EVI5: variants seen among roughly 807,000 people sequenced by gnomAD.
EVI5 encodes ecotropic viral integration site 5, also known as ecotropic viral integration site 5 protein homolog.
Under a neutral mutation model 112.0 loss-of-function variants are expected in EVI5, and 73 were observed. That is an observed-to-expected ratio of 0.65 (90% CI 0.54 to 0.79). EVI5 has a LOEUF of 0.79. Ranked by LOEUF, EVI5 falls within the 30% of genes least tolerant of loss-of-function variation. The pLI is 0.00. For synonymous variants in EVI5, 305 were observed against 319.9 expected (o/e 0.95, Z 0.50); for missense variants, 900 against 968.8 (o/e 0.93, Z 0.94).
chr1:92,667,301 AT>A (rs1665097386), intron 10 of EVI5, among the ~76,000 whole-genome samples: 1 of 152,088 alleles, frequency 6.6e-6, no homozygotes, highest in Admixed American at 6.5e-5. Flanking sequence ...AAAAAAAAAA[AT>A]TGCCCATTTA....
intron 1 of EVI5, among the ~76,000 whole-genome samples, chr1:92,776,233 G>A (rs1168128455): frequency 6.6e-6 from 1 of 151,916 alleles, no homozygotes; most frequent in Admixed American, 6.6e-5. Flanking sequence ...AAGAAAAAGG[G>A]CATTTTAACA....
chr1:92,572,370 C>A (rs1276830557), intron 18 of EVI5, among the ~76,000 whole-genome samples: 2 of 152,082 alleles, frequency 1.3e-5, no homozygotes, highest in Admixed American at 1.3e-4. Context: ...GTTCACTGTA[C>A]AATTCTTTCA....
intron 1 of EVI5, among the ~76,000 whole-genome samples, chr1:92,759,868 C>A (rs1259350947): frequency 3.0e-5 from 4 of 133,188 alleles, no homozygotes; most frequent in African/African-American, 8.0e-5. Context: ...CTCCCCCCCA[C>A]ATACATTTTG....
At chr1:92,734,006 T>G (rs1410461131) in intron 2 of EVI5, among the ~76,000 whole-genome samples, 1 of 152,232 alleles carries the variant, frequency 6.6e-6, no homozygotes, top group Non-Finnish European at 1.5e-5. Flanking sequence ...ACAAGACACA[T>G]GTACCATATT....
intron 19 of EVI5, among the ~76,000 whole-genome samples, chr1:92,538,095 T>C (rs1315794645): frequency 6.6e-6 from 1 of 152,160 alleles, no homozygotes; most frequent in Non-Finnish European, 1.5e-5. Context: ...TACAGAGAAT[T>C]CTTAGTCTTT....
intron 19 of EVI5, among the ~76,000 whole-genome samples, chr1:92,519,419 T>G (rs945515202): frequency 6.6e-6 from 1 of 152,068 alleles, no homozygotes; most frequent in Admixed American, 6.6e-5. Flanking sequence ...TAAAAGGAGA[T>G]TTCGTGACAC....
chr1:92,616,323 G>A lies in EVI5; in HGVS notation c.1827+7853C>T, dbSNP rs1268679055. 6.6e-5 allele frequency among the ~76,000 whole-genome samples: 10 copies of A among 152,096 alleles called. No homozygotes were observed. The East Asian group carries it at 1.9e-3, about 29-fold the overall frequency. ...TTCTTAGTATGTCAGATCTAATGGT[G>A]GGAACCGCAGTTACTCAACTACAAA... On this transcript the variant is annotated intron_variant, in intron 16 of 19. Transcript: ENST00000684568.
At chr1:92,591,706 A>G (rs1673939731) in intron 18 of EVI5, among the ~76,000 whole-genome samples, 1 of 152,146 alleles carries the variant, frequency 6.6e-6, no homozygotes, top group African/African-American at 2.4e-5. Context: ...AGATCGAGAC[A>G]GAAAGTTAAC....
intron 2 of EVI5, among the ~76,000 whole-genome samples, chr1:92,710,763 G>T (rs201353144): frequency 2.0e-5 from 3 of 149,660 alleles, no homozygotes; most frequent in Non-Finnish European, 3.0e-5. Flanking sequence ...TGGGGGGGGG[G>T]TGCCAATATA....
intron 13 of EVI5, among the ~76,000 whole-genome samples, chr1:92,648,219 CAAA>C (rs1553225492): frequency 0.069 from 639 of 9,250 alleles, 6 homozygotes; most frequent in Middle Eastern, 0.23. Context: ...AAAAAAAAAA[CAAA>C]AACCAGCCGG....
chr1:92,748,332 C>A (rs1022201264), intron 1 of EVI5, among the ~76,000 whole-genome samples: 4 of 152,190 alleles, frequency 2.6e-5, no homozygotes, highest in African/African-American at 9.7e-5. Context: ...CCAGCCTCAA[C>A]CACCAGGCAC....
chr1:92,615,935 T>C (rs890148161), intron 16 of EVI5, among the ~76,000 whole-genome samples: 4 of 152,080 alleles, frequency 2.6e-5, no homozygotes, highest in African/African-American at 9.7e-5. Flanking sequence ...GGGATAATGG[T>C]GGAAGGAACA....
Position 92,736,558 on chromosome 1 carries a change from T to C in EVI5, c.-12A>G. 6.2e-7 allele frequency: 1 copy of C among 1,614,110 alleles called. No homozygotes were observed. The highest frequency in any genetic ancestry group is 8.5e-7 in the Non-Finnish European group (1 of 1,179,972). ...ACCTGACTGGCCATCTGACTGACTGTATGCGATACTGTGTTCTTCACCCAT... is the reference window on the plus strand; with the variant it reads ...ACCTGACTGGCCATCTGACTGACTGCATGCGATACTGTGTTCTTCACCCAT... On this transcript the variant is annotated 5_prime_UTR_variant, in exon 2 of 20. In the 5' UTR this introduces an upstream ATG that the reference lacks. Transcript: ENST00000684568.
At chr1:92,732,441 T>C (rs1456816035) in intron 2 of EVI5, 2 of 229,702 alleles carry the variant, frequency 8.7e-6, no homozygotes, top group Admixed American at 1.1e-4. Context: ...GCATTGAAAT[T>C]GAGGATATAT....
At chr1:92,701,374 T>G (rs532297399) in intron 5 of EVI5, among the ~76,000 whole-genome samples, 2 of 152,346 alleles carry the variant, frequency 1.3e-5, no homozygotes, top group African/African-American at 4.8e-5. Flanking sequence ...TAGATAGTAT[T>G]ATCTTACTAA....
intron 13 of EVI5, among the ~76,000 whole-genome samples, chr1:92,648,598 T>C (rs1003683753): frequency 2.6e-5 from 4 of 152,216 alleles, no homozygotes; most frequent in African/African-American, 4.8e-5. Flanking sequence ...ATTTATCTAT[T>C]CTAGATATTT....
intron 1 of EVI5, among the ~76,000 whole-genome samples, chr1:92,791,748 C>CAA (rs534195216): frequency 1.2e-4 from 16 of 138,678 alleles, no homozygotes; most frequent in African/African-American, 3.9e-4. Context: ...CCACCTCCAC[C>CAA]AAAAAAAAAA....
chr1:92,596,159 C>A (rs1647792579), intron 18 of EVI5, among the ~76,000 whole-genome samples: 1 of 152,088 alleles, frequency 6.6e-6, no homozygotes, highest in Non-Finnish European at 1.5e-5. Flanking sequence ...GAGATCAATA[C>A]CAGTCTGGGG....
Position 92,694,375 on chromosome 1 carries a change from A to G in EVI5, c.923T>C (p.Val308Ala), listed in dbSNP as rs1669984384. Residue 308 changes from valine to alanine, a missense_variant, in exon 8 of 20, where the codon GTG becomes GCG. Physicochemically the swap from Val to Ala is moderately conservative, Grantham distance 64. Transcript: ENST00000684568. ...DIFMSEGLEI[V>A]FRVGLALLQM... ...AAGAAGTGCTAATCCTACACGAAAC[A>G]CTATTTCTAAACCCTGAGGAAACAA... The G allele has an allele frequency of 3.8e-6, 6 of 1,592,202 alleles. No homozygotes were observed. The highest frequency in any genetic ancestry group is 5.2e-6 in the Non-Finnish European group (6 of 1,164,796).
Sources: allele counts gnomAD v4.1 joint callset (sites outside exome capture counted in the v4.1 genomes callset), GRCh38; gene constraint gnomAD v4.1.1; transcripts MANE v1.5; gene names NCBI Gene and HGNC (gene_info 2026-07-23, HGNC 2026-07-21).